DOCK1: variants seen among roughly 807,000 people sequenced by gnomAD.
The protein encoded by DOCK1 is dedicator of cytokinesis 1, also known as dedicator of cytokinesis protein 1.
Under a neutral mutation model 262.7 loss-of-function variants are expected in DOCK1, and 138 were observed. The ratio of observed to expected loss-of-function variants is 0.53; its 90% CI spans 0.46 to 0.61. The LOEUF is 0.61. DOCK1 is among the 20% of genes least tolerant of loss of function. DOCK1 has a pLI of 0.00. For missense variants in DOCK1, 1,908 were observed against 2,370.7 expected, an observed-to-expected ratio of 0.80 and a Z score of 4.05; for synonymous variants, 866 against 867.4, an observed-to-expected ratio of 1.00 and a Z score of 0.03.
At position 127,100,841 on chromosome 10, in the gene DOCK1, C is replaced by T. The variant is rs1256332891; in HGVS notation, c.2446-5390C>T. Among the ~76,000 whole-genome samples, 1 of 152,098 alleles carries T rather than the reference C, an allele frequency of 6.6e-6. No individual in the cohort carries two copies. Among genetic ancestry groups the T allele is most frequent in the Non-Finnish European group, 1.5e-5 (1 of 68,016 alleles). On this transcript the variant is annotated intron_variant, in intron 23 of 51. Transcript: ENST00000623213. This position sits in a 1 kb window ranked among gnomAD's most constrained non-coding sequence, Gnocchi z 5.5. ...TGTGGTGCGGGCCGGAGTCAGGCTG[C>T]AGTGGGAGTGAGGAGGGGTCGTGTG...
At chr10:127,005,024 A>G (rs1317995363) in intron 10 of DOCK1, among the ~76,000 whole-genome samples, 1 of 151,890 alleles carries the variant, frequency 6.6e-6, no homozygotes, top group Non-Finnish European at 1.5e-5. Flanking sequence ...GTCCAACCAG[A>G]TGTTCTCTTT....
At chr10:127,017,026 A>C (rs1375438440) in intron 12 of DOCK1, among the ~76,000 whole-genome samples, 1 of 54,522 alleles carries the variant, frequency 1.8e-5, no homozygotes, top group Non-Finnish European at 3.8e-5. Flanking sequence ...AGATATGCAG[A>C]TACAGATACC....
At chr10:127,145,918 G>T (rs935543322) in intron 27 of DOCK1, 1 of 491,778 alleles carries the variant, frequency 2.0e-6, no homozygotes, top group Non-Finnish European at 4.0e-6. Context: ...GTGCATTCCT[G>T]CAGGAGGTCC....
intron 2 of DOCK1, among the ~76,000 whole-genome samples, chr10:126,972,890 A>G (rs1316072398): frequency 1.3e-5 from 2 of 151,580 alleles, no homozygotes; most frequent in South Asian, 2.1e-4. Context: ...GCGGATGAGT[A>G]GTTGTGATGG....
In DOCK1 at chr10:127,328,273, G is replaced by A. The variant is rs543532360; in HGVS notation, c.3045-10733G>A. On this transcript the variant is annotated intron_variant, in intron 29 of 51. Transcript: ENST00000623213. ...ATTTTAAGCATCACTGGTGTATGCT[G>A]AGCGTGAAATACCTTGAAAGCAGCA... Among the ~76,000 whole-genome samples the A allele has an allele frequency of 2.0e-5, 3 of 152,314 alleles. No homozygotes were observed. The South Asian group carries it at 6.2e-4, about 32-fold the overall frequency.
intron 6 of DOCK1, among the ~76,000 whole-genome samples, chr10:126,991,057 G>A (rs888939114): frequency 1.3e-5 from 2 of 152,204 alleles, no homozygotes; most frequent in African/African-American, 4.8e-5. Context: ...AGGCTTGCCA[G>A]TTTTCACAAA....
intron 27 of DOCK1, among the ~76,000 whole-genome samples, chr10:127,222,132 C>T (rs889140493): frequency 6.6e-6 from 1 of 152,198 alleles, no homozygotes; most frequent in Admixed American, 6.5e-5. Flanking sequence ...TCCCTGTAGT[C>T]TTTAAAGGCT....
chr10:127,451,227 G>A (rs2070945151), intron 51 of DOCK1, 105 bp from the exon 52 acceptor site: 2 of 1,274,214 alleles, frequency 1.6e-6, no homozygotes, highest in African/African-American at 3.0e-5. Context: ...TGGGGAGGAT[G>A]GTTCCGGCTG....
chr10:127,323,910 G>A (rs547595538), intron 29 of DOCK1, among the ~76,000 whole-genome samples: 22 of 152,350 alleles, frequency 1.4e-4, no homozygotes, highest in African/African-American at 5.3e-4. Flanking sequence ...CCTCACTGCT[G>A]TGTGGTTGCC....
chr10:127,213,299 G>A (rs1044901942), intron 27 of DOCK1, among the ~76,000 whole-genome samples: 2 of 152,166 alleles, frequency 1.3e-5, no homozygotes, highest in Non-Finnish European at 2.9e-5. Flanking sequence ...AACAAGATGG[G>A]TAGTTTTTCT....
chr10:127,401,539 G>A (rs986948645), intron 38 of DOCK1, among the ~76,000 whole-genome samples: 4 of 152,064 alleles, frequency 2.6e-5, no homozygotes, highest in Non-Finnish European at 5.9e-5. Context: ...CTTTTCCGGT[G>A]GAATGCCCCT....
intron 24 of DOCK1, among the ~76,000 whole-genome samples, chr10:127,109,583 C>G (rs561797130): frequency 6.6e-6 from 1 of 152,172 alleles, no homozygotes; most frequent in Admixed American, 6.5e-5. Flanking sequence ...TTTTCTCTCT[C>G]TACACATTTG....
chr10:127,099,604 G>T (rs185139129), intron 23 of DOCK1, among the ~76,000 whole-genome samples: 5 of 152,220 alleles, frequency 3.3e-5, no homozygotes, highest in Non-Finnish European at 7.4e-5. Flanking sequence ...AAGAGAGAGC[G>T]CAGGGAGGTG....
rs1006946435 is a variant in DOCK1 at position 127,079,888 on chromosome 10, G to A, written c.2445+18112G>A. Among the ~76,000 whole-genome samples, 44 of 152,234 alleles carry A rather than the reference G, an allele frequency of 2.9e-4. No homozygotes were observed. The Middle Eastern group carries it at 0.01, about 35-fold the overall frequency. ...GGAGGTTGCAGTGAGCCAACATTGC[G>A]CCACTGCACTCCAGCCTGGGCGACA... On this transcript the variant is annotated intron_variant, in intron 23 of 51. Coordinates refer to ENST00000623213, the MANE Select transcript of DOCK1 (RefSeq NM_001290223.2).
chr10:127,260,926 GGTGT>G (rs1359958810), intron 29 of DOCK1, among the ~76,000 whole-genome samples: 31 of 95,838 alleles, frequency 3.2e-4, no homozygotes, highest in Admixed American at 8.4e-4. Flanking sequence ...TGTGCATGTG[GGTGT>G]GTGTGTGTAC....
At chr10:127,451,297 T>A (rs922934736) in intron 51 of DOCK1, 35 bp from the exon 52 acceptor site, 1 of 1,562,524 alleles carries the variant, frequency 6.4e-7, no homozygotes, top group Admixed American at 1.9e-5. Flanking sequence ...AGGACATCAG[T>A]TATGTGACAT....
At chr10:127,447,649 A>G (rs2070672482) in intron 51 of DOCK1, 104 bp downstream of exon 51, 1 of 1,481,834 alleles carries the variant, frequency 6.7e-7, no homozygotes, top group Non-Finnish European at 9.0e-7. Context: ...GCTAGTGAGC[A>G]CATGAGGAAA....
At position 127,250,791 on chromosome 10, in the gene DOCK1, CAAAAAAAAAAAAAAAAAAA is replaced by C. The variant is rs1180814401; in HGVS notation, c.2949+2695_2949+2713del. On this transcript the variant is annotated intron_variant, in intron 28 of 51. Coordinates refer to ENST00000623213, the MANE Select transcript of DOCK1 (RefSeq NM_001290223.2). ...TGGGCGACACAGTGAGACTCCGTCT[CAAAAAAAAAAAAAAAAAAA>C]AAAAAAAAAAAATGACGTTTGTGGT... Among the ~76,000 whole-genome samples, 4 of 64,066 alleles carry C rather than the reference CAAAAAAAAAAAAAAAAAAA, an allele frequency of 6.2e-5. No individual in the cohort carries two copies. In the South Asian group the frequency reaches 2.8e-3, roughly 44 times the overall value. The allele number at this position is 64,066 out of a possible 152,430, so 42.0% of individuals were successfully genotyped here.
At chr10:126,913,324 C>CAGCT (rs61506755) in intron 1 of DOCK1, among the ~76,000 whole-genome samples, 1 of 132 alleles carries the variant, frequency 7.6e-3, no homozygotes, top group Non-Finnish European at 0.028. Context: ...ATGAGTAGGG[C>CAGCT]AGCCTCATAT....
Sources: gnomAD v4.1 joint callset for allele counts (sites outside exome capture counted in the v4.1 genomes callset) on GRCh38, gnomAD v4.1.1 for gene constraint, Gnocchi (gnomAD v3.1) non-coding constraint, MANE v1.5 for transcripts, NCBI Gene and HGNC (gene_info 2026-07-23, HGNC 2026-07-21) for gene names.